The following UTP20 variants were observed in gnomAD, a reference collection of about 807,000 sequenced individuals.
UTP20 encodes small subunit processome component 20 homolog.
In UTP20, 164 loss-of-function variants were observed where a neutral mutation model predicts 329.5. The observed-to-expected ratio is 0.50, with a 90% CI of 0.44 to 0.57. UTP20 has a LOEUF of 0.57. UTP20 is among the 20% of genes least tolerant of loss of function. UTP20 has a pLI of 0.00. For synonymous variants in UTP20, 1,151 were observed against 1,159.3 expected (o/e 0.99, Z 0.14); for missense variants, 3,055 against 3,284.2 (o/e 0.93, Z 1.71).
Position 101,370,519 on chromosome 12 carries a change from AT to A in UTP20, c.6646del (p.Tyr2216MetfsTer13). On this transcript the variant is annotated frameshift_variant, in exon 50 of 62. Coordinates refer to ENST00000261637, the MANE Select transcript of UTP20 (RefSeq NM_014503.3). LOFTEE classifies it high-confidence loss of function. The part of the protein sequence containing the change: ...QVLLAYAEED[I>X]YDTSRQATAF... Reference sequence around the variant, plus strand: ...TCTACTGGCCTATGCTGAGGAGGACATTTATGATACTTCAAGACAAGCCACT... The same window carrying A: ...TCTACTGGCCTATGCTGAGGAGGACATTATGATACTTCAAGACAAGCCACT... 4 of 1,614,028 alleles carry A rather than the reference AT, an allele frequency of 2.5e-6. No homozygotes were observed. The highest frequency in any genetic ancestry group is 2.5e-6 in the Non-Finnish European group (3 of 1,179,934).
At chr12:101,347,868 A>G (rs896702398) in intron 38 of UTP20, among the ~76,000 whole-genome samples, 1 of 152,116 alleles carries the variant, frequency 6.6e-6, no homozygotes, top group Non-Finnish European at 1.5e-5. Flanking sequence ...TCACTCTGTC[A>G]CCTAGGCTGG....
intron 1 of UTP20, 127 bp downstream of exon 1, chr12:101,280,454 C>A (rs1432767202): frequency 7.7e-6 from 9 of 1,168,514 alleles, no homozygotes; most frequent in Admixed American, 2.3e-5. Flanking sequence ...GAGGCTCCGG[C>A]GAAAGAGGGA....
intron 21 of UTP20, among the ~76,000 whole-genome samples, chr12:101,316,734 A>T (rs1872983087): frequency 6.6e-6 from 1 of 152,208 alleles, no homozygotes; most frequent in African/African-American, 2.4e-5. Flanking sequence ...TCAATAGACA[A>T]CAAAAGGTTA....
Position 101,354,912 on chromosome 12 carries a change from T to A in UTP20, c.5188T>A (p.Cys1730Ser), listed in dbSNP as rs1869666478. The change falls in exon 41 of 62, where the codon TGC (cysteine) becomes AGC (serine). Residue 1730 changes from cysteine to serine, a missense_variant. By Grantham distance (112) the Cys-to-Ser change is moderately radical. This residue lies in a region of UTP20 where 2,445 missense variants were observed against 2,575.5 expected (regional missense o/e 0.95). Transcript: ENST00000261637. ...RVDEEEKEYT[C>S]KSLSDNGQPG... ...GGATGAGGAAGAGAAGGAATATACATGCAAGAGTTTGTCAGACAACGGACA... is the reference window on the plus strand; with the variant it reads ...GGATGAGGAAGAGAAGGAATATACAAGCAAGAGTTTGTCAGACAACGGACA... 1 of 1,614,146 alleles carries A rather than the reference T, an allele frequency of 6.2e-7. No individual in the cohort carries two copies.
At chr12:101,331,221 T>C (rs1279668863) in intron 27 of UTP20, among the ~76,000 whole-genome samples, 1 of 152,200 alleles carries the variant, frequency 6.6e-6, no homozygotes, top group Non-Finnish European at 1.5e-5. Flanking sequence ...GCTGGCACTT[T>C]AGTTACAGAA....
chr12:101,357,062 A>G lies in UTP20; in HGVS notation c.5671A>G (p.Thr1891Ala), dbSNP rs1382720819. The stretch of plus-strand genomic sequence containing the variant: ...ATATGTTTTAAAAGAATTACAGACT[A>G]CTCTTGTCCGTGGATACCAGGTAAA... Reference protein sequence around the residue: ...LLYVLKELQTTLVRGYQVHVL... With the variant: ...LLYVLKELQTALVRGYQVHVL... The change falls in exon 43 of 62, where the codon ACT (threonine) becomes GCT (alanine). Residue 1891 changes from threonine (T) to alanine (A), a missense_variant. Around this residue, in one of 3 missense-constraint regions of UTP20, gnomAD observed 2,445 missense variants for 2,575.5 expected, o/e 0.95. Coordinates refer to ENST00000261637, the MANE Select transcript of UTP20 (RefSeq NM_014503.3). 2.5e-6 allele frequency: 4 copies of G among 1,610,004 alleles called. No homozygotes were observed. The highest frequency in any genetic ancestry group is 1.7e-5 in the Admixed American group (1 of 59,040).
chr12:101,359,851 C>T (rs1469637577), intron 43 of UTP20, among the ~76,000 whole-genome samples: 1 of 152,140 alleles, frequency 6.6e-6, no homozygotes, highest in Non-Finnish European at 1.5e-5. Flanking sequence ...TAGACTAGGC[C>T]AACCCTCTCA....
intron 48 of UTP20, among the ~76,000 whole-genome samples, chr12:101,369,499 A>G (rs1323902226): frequency 6.6e-6 from 1 of 152,344 alleles, no homozygotes; most frequent in East Asian, 1.9e-4. Flanking sequence ...ATCTACCATC[A>G]TAAGGATCCA....
chr12:101,328,485 G>A (rs76947075), intron 26 of UTP20, among the ~76,000 whole-genome samples: 1 of 152,112 alleles, frequency 6.6e-6, no homozygotes, highest in Non-Finnish European at 1.5e-5. Flanking sequence ...AGCCTTCAAG[G>A]AACTTGTAAT....
intron 50 of UTP20, among the ~76,000 whole-genome samples, 168 bp downstream of exon 50, chr12:101,370,731 A>C (rs140462096): frequency 6.6e-6 from 1 of 152,372 alleles, no homozygotes; most frequent in Non-Finnish European, 1.5e-5. Flanking sequence ...TTTGCTTATG[A>C]AAAATGTTTA....
intron 1 of UTP20, 96 bp from the exon 2 acceptor site, chr12:101,281,020 T>C: frequency 9.9e-7 from 1 of 1,006,920 alleles, no homozygotes; most frequent in Admixed American, 2.4e-5. Flanking sequence ...ACTTATCCTT[T>C]GTGATTAGAG....
intron 18 of UTP20, 36 bp from the exon 19 acceptor site, chr12:101,309,727 A>T (rs776243550): frequency 1.9e-6 from 3 of 1,594,030 alleles, no homozygotes; most frequent in Non-Finnish European, 2.6e-6. Flanking sequence ...ACTGTATTTC[A>T]TTACCCAATA....
rs1373231530 is a variant in UTP20, at chr12:101,312,181, C to T, written c.2457C>T (p.Asn819=). The change falls in exon 21 of 62, where the codon AAC becomes AAT. Residue 819 remains asparagine, a synonymous_variant. Transcript: ENST00000261637. Reference sequence around the variant, plus strand: ...GTCAGGAAAGACTTGACCACACCAACTTCAGATTCCTGCTCTGGAGAGCTC... The same window carrying T: ...GTCAGGAAAGACTTGACCACACCAATTTCAGATTCCTGCTCTGGAGAGCTC... ...TDCQERLDHT[N]FRFLLWRALT... 6.2e-7 allele frequency: 1 copy of T among 1,614,222 alleles called. No individual in the cohort carries two copies. The highest frequency in any genetic ancestry group is 8.5e-7 in the Non-Finnish European group (1 of 1,180,046).
At chr12:101,357,188 C>A in intron 43 of UTP20, 106 bp downstream of exon 43, 2 of 1,028,840 alleles carry the variant, frequency 1.9e-6, no homozygotes, top group East Asian at 2.5e-5. Flanking sequence ...AAATTTGATC[C>A]ACTGACACTC....
intron 12 of UTP20, among the ~76,000 whole-genome samples, chr12:101,297,579 C>T (rs1327520553): frequency 6.6e-6 from 1 of 152,162 alleles, no homozygotes; most frequent in Non-Finnish European, 1.5e-5. Flanking sequence ...TTAAAATATG[C>T]CAACAGAATC....
chr12:101,284,080 T>C (rs889068988), intron 2 of UTP20, among the ~76,000 whole-genome samples: 16 of 152,174 alleles, frequency 1.1e-4, no homozygotes, highest in African/African-American at 3.6e-4. Flanking sequence ...CATATTTGTA[T>C]TTATTTTTAT....
At chr12:101,333,469 C>G in intron 28 of UTP20, 25 bp downstream of exon 28, 3 of 1,608,384 alleles carry the variant, frequency 1.9e-6, no homozygotes, top group Non-Finnish European at 2.5e-6. Context: ...CTACATCTGC[C>G]TATGTACGTT....
chr12:101,283,531 A>G (rs1871863249), intron 2 of UTP20, among the ~76,000 whole-genome samples: 1 of 152,200 alleles, frequency 6.6e-6, no homozygotes, highest in African/African-American at 2.4e-5. Flanking sequence ...AAGGAGCTCC[A>G]GAGTTACCTT....
intron 27 of UTP20, among the ~76,000 whole-genome samples, chr12:101,331,945 T>A (rs1478267221): frequency 6.6e-6 from 1 of 152,056 alleles, no homozygotes; most frequent in East Asian, 1.9e-4. Flanking sequence ...CCCTTGTCTT[T>A]CCTCTGCTTG....
Sources: gnomAD v4.1 joint callset for allele counts (sites outside exome capture counted in the v4.1 genomes callset) on GRCh38, gnomAD v4.1.1 for gene constraint, gnomAD v4.1.1 regional missense constraint, MANE v1.5 for transcripts, NCBI Gene and HGNC (gene_info 2026-07-23, HGNC 2026-07-21) for gene names.